The following BCAR3 variants were observed in gnomAD, a reference collection of about 807,000 sequenced individuals.
The protein encoded by BCAR3 is BCAR3 adaptor protein, NSP family member.
In BCAR3, 37 loss-of-function variants were observed where a neutral mutation model predicts 80.1. That is an observed-to-expected ratio of 0.46 (90% CI 0.36 to 0.61). The LOEUF is 0.61. Among genes scored for constraint, BCAR3 ranks in the 20% least tolerant of loss-of-function variants. The pLI is 0.00. For missense variants in BCAR3, 978 were observed against 1,068.2 expected (o/e 0.92, Z 1.18); for synonymous variants, 389 against 418.9 (o/e 0.93, Z 0.87).
Position 93,562,299 on chromosome 1 carries a change from A to G in BCAR3, c.2420T>C (p.Ile807Thr). ...CAATTTACGCGAGAGGGCAGTTAAA[A>G]TCTGGTTGAATTTCTCATATCTCTC... is the stretch of plus-strand genomic sequence containing the variant. ...QTERYEKFNQ[I>T]LTALSRKLEP... The change falls in exon 12 of 12, where the codon ATT becomes ACT. Residue 807 changes from isoleucine (I) to threonine (T), a missense_variant. Coordinates refer to ENST00000260502, the MANE Select transcript of BCAR3 (RefSeq NM_003567.4). 3 of 1,614,082 alleles carry G rather than the reference A, an allele frequency of 1.9e-6. No individual in the cohort carries two copies. Among genetic ancestry groups the G allele is most frequent in the Non-Finnish European group, 2.5e-6 (3 of 1,179,980 alleles).
chr1:93,810,321 C>CCA (rs369002172), intron 2 of BCAR3, among the ~76,000 whole-genome samples: 1 of 151,916 alleles, frequency 6.6e-6, no homozygotes, highest in African/African-American at 2.4e-5. Flanking sequence ...TTTATTGTTA[C>CCA]CACACACACA....
At chr1:93,607,757 T>C (rs1674818937) in intron 3 of BCAR3, among the ~76,000 whole-genome samples, 1 of 152,164 alleles carries the variant, frequency 6.6e-6, no homozygotes, top group South Asian at 2.1e-4. Flanking sequence ...TACAGTGTTA[T>C]CTCCTTCAGG....
chr1:93,650,279 G>A (rs1170929022), intron 2 of BCAR3, among the ~76,000 whole-genome samples: 3 of 152,212 alleles, frequency 2.0e-5, no homozygotes, highest in Non-Finnish European at 4.4e-5. Context: ...CAGCTATTTG[G>A]AAGCCTGAGG....
At chr1:93,713,994 T>A (rs1344903620) in intron 2 of BCAR3, among the ~76,000 whole-genome samples, 1 of 152,174 alleles carries the variant, frequency 6.6e-6, no homozygotes, top group African/African-American at 2.4e-5. Context: ...ATTCAACTGT[T>A]TTTTTTGAGA....
chr1:93,575,655 G>A (rs1673424417), intron 8 of BCAR3, among the ~76,000 whole-genome samples: 1 of 152,174 alleles, frequency 6.6e-6, no homozygotes, highest in African/African-American at 2.4e-5. Flanking sequence ...TGCTGGGCAG[G>A]AGACCCAGGA....
chr1:93,781,088 G>T (rs1652746701), intron 2 of BCAR3, among the ~76,000 whole-genome samples: 1 of 152,248 alleles, frequency 6.6e-6, no homozygotes, highest in African/African-American at 2.4e-5. Context: ...AGTTCTCCAA[G>T]GTCCAGCTGA....
intron 3 of BCAR3, among the ~76,000 whole-genome samples, chr1:93,704,988 G>A (rs1215880456): frequency 2.6e-5 from 4 of 152,174 alleles, no homozygotes; most frequent in Non-Finnish European, 4.4e-5. Context: ...CTGCAGGAAA[G>A]CCAGTTTTTG....
intron 2 of BCAR3, chr1:93,845,502 A>ATATATATATATATATATTGTCAAG: frequency 4.4e-5 from 5 of 113,820 alleles, no homozygotes; most frequent in Non-Finnish European, 3.5e-5. Flanking sequence ...ATATATATAT[A>ATATATATATATATATATTGTCAAG]AAACTTTGTT....
intron 2 of BCAR3, among the ~76,000 whole-genome samples, chr1:93,715,757 T>C (rs1390370613): frequency 6.6e-6 from 1 of 152,224 alleles, no homozygotes; most frequent in African/African-American, 2.4e-5. Context: ...TGGTGGCTCT[T>C]CAGGAGAAAT....
rs545664378 is a variant in BCAR3 at position 93,809,416 on chromosome 1, G to A, written c.-63+36151C>T. Reference sequence around the variant, plus strand: ...CTGAGGGGTGGTGGTGGGGGGAGTCGTGGGGCAGGTAACTTCTATTTCTCA... The same window carrying A: ...CTGAGGGGTGGTGGTGGGGGGAGTCATGGGGCAGGTAACTTCTATTTCTCA... On this transcript the variant is annotated intron_variant, in intron 2 of 13. Coordinates refer to the BCAR3 transcript ENST00000370244. Among the ~76,000 whole-genome samples the A allele has an allele frequency of 1.3e-4, 20 of 151,812 alleles. 1 individual carries two copies. Among genetic ancestry groups the A allele is most frequent in the African/African-American group, 2.7e-4 (11 of 41,382 alleles).
chr1:93,626,113 T>C (rs907071432), intron 3 of BCAR3, among the ~76,000 whole-genome samples: 2 of 152,212 alleles, frequency 1.3e-5, no homozygotes, highest in Admixed American at 1.3e-4. Context: ...ATGACTTGGT[T>C]ATGTTACATA....
intron 2 of BCAR3, among the ~76,000 whole-genome samples, chr1:93,776,464 C>T (rs1017844005): frequency 1.3e-5 from 2 of 152,164 alleles, no homozygotes; most frequent in Non-Finnish European, 2.9e-5. Flanking sequence ...GTTTTTTAAA[C>T]TGTCGATAAG....
intron 2 of BCAR3, among the ~76,000 whole-genome samples, chr1:93,656,936 G>A (rs1323528636): frequency 6.6e-6 from 1 of 152,118 alleles, no homozygotes; most frequent in African/African-American, 2.4e-5. Context: ...ACTCTTTGGG[G>A]CTTCTTTTCC....
At chr1:93,815,271 C>T (rs752381522) in intron 2 of BCAR3, among the ~76,000 whole-genome samples, 2 of 152,106 alleles carry the variant, frequency 1.3e-5, no homozygotes, top group East Asian at 1.9e-4. Context: ...AGGATGCCAG[C>T]GAGATGCATT....
intron 2 of BCAR3, among the ~76,000 whole-genome samples, chr1:93,673,313 T>C (rs1411842932): frequency 6.6e-6 from 1 of 152,190 alleles, no homozygotes; most frequent in African/African-American, 2.4e-5. Flanking sequence ...CACCACCCTA[T>C]AAAAGGGCAA....
At chr1:93,845,564 T>C (rs1455176771) in intron 2 of BCAR3, 1 of 148,148 alleles carries the variant, frequency 6.8e-6, no homozygotes, top group Non-Finnish European at 1.5e-5. Context: ...CTCTGCCACT[T>C]ACTGTTTGGA....
chr1:93,829,717 T>C (rs893769614), intron 2 of BCAR3, among the ~76,000 whole-genome samples: 1 of 152,238 alleles, frequency 6.6e-6, no homozygotes, highest in East Asian at 1.9e-4. Context: ...TATAAAAGTG[T>C]TGGCTGTGAG....
At chr1:93,718,996 C>T (rs962377427) in intron 2 of BCAR3, among the ~76,000 whole-genome samples, 4 of 152,138 alleles carry the variant, frequency 2.6e-5, no homozygotes, top group Admixed American at 6.5e-5. Flanking sequence ...GCCATGACGC[C>T]CAGCTGAAGT....
intron 8 of BCAR3, among the ~76,000 whole-genome samples, chr1:93,572,188 C>T (rs1034640229): frequency 6.6e-6 from 1 of 152,178 alleles, no homozygotes; most frequent in Non-Finnish European, 1.5e-5. Flanking sequence ...ATGAGAGGTC[C>T]ATGGAGACAG....
Sources: gnomAD v4.1 joint callset for allele counts (sites outside exome capture counted in the v4.1 genomes callset) on GRCh38, gnomAD v4.1.1 for gene constraint, MANE v1.5 for transcripts, NCBI Gene and HGNC (gene_info 2026-07-23, HGNC 2026-07-21) for gene names.